The following MAML3 variants were observed in gnomAD, a reference collection of about 807,000 sequenced individuals.
MAML3 encodes mastermind-like protein 3.
MAML3 carries 27 observed loss-of-function variants against 101.9 expected under a neutral mutation model. The observed-to-expected ratio is 0.27, with a 90% CI of 0.20 to 0.37. The LOEUF is 0.37. Among genes scored for constraint, MAML3 ranks in the 10% least tolerant of loss-of-function variants. The pLI, the probability that MAML3 is intolerant of heterozygous loss-of-function variation, is 1.00. For synonymous variants in MAML3, 501 were observed against 555.9 expected, an observed-to-expected ratio of 0.90 and a Z score of 1.39; for missense variants, 1,316 against 1,444.9, an observed-to-expected ratio of 0.91 and a Z score of 1.45.
intron 2 of MAML3, among the ~76,000 whole-genome samples, chr4:139,827,667 C>T (rs1261932822): frequency 6.6e-6 from 1 of 152,178 alleles, no homozygotes; most frequent in Non-Finnish European, 1.5e-5. Context: ...TAATACTATA[C>T]TACTCATTAC....
chr4:140,090,120 T>C (rs1728018780), intron 1 of MAML3, among the ~76,000 whole-genome samples: 1 of 152,264 alleles, frequency 6.6e-6, no homozygotes, highest in Admixed American at 6.5e-5. Flanking sequence ...GGATTTACTG[T>C]CGCCATTTTA....
At chr4:139,849,053 G>A (rs1034960880) in intron 2 of MAML3, among the ~76,000 whole-genome samples, 1 of 151,950 alleles carries the variant, frequency 6.6e-6, no homozygotes, top group Non-Finnish European at 1.5e-5. Flanking sequence ...TCCTTTTCTG[G>A]CAATGTTCTT....
intron 1 of MAML3, among the ~76,000 whole-genome samples, chr4:139,924,411 C>A (rs904456652): frequency 6.6e-6 from 1 of 152,122 alleles, no homozygotes; most frequent in African/African-American, 2.4e-5. Context: ...TCTCTGAAAT[C>A]TTTACCTTTC....
intron 1 of MAML3, among the ~76,000 whole-genome samples, chr4:140,085,415 A>G (rs557183544): frequency 6.6e-6 from 1 of 152,144 alleles, no homozygotes; most frequent in South Asian, 2.1e-4. Flanking sequence ...GGAGGGAATT[A>G]CTCCATTCCC....
Position 140,140,312 on chromosome 4 carries a change from A to G in MAML3, c.468+12548T>C, listed in dbSNP as rs139971267. ...GCACTCCAGCCTGGGTGACAGGGTG[A>G]GATTCCGTCTCAAAAAATAAAAAAA... On this transcript the variant is annotated intron_variant, in intron 1 of 4. Coordinates refer to ENST00000509479, the MANE Select transcript of MAML3 (RefSeq NM_018717.5). 4.7e-3 allele frequency among the ~76,000 whole-genome samples: 715 copies of G among 152,274 alleles called. 7 individuals carry two copies. Among genetic ancestry groups the G allele is most frequent in the African/African-American group, 0.016 (677 of 41,526 alleles).
chr4:139,761,843 C>T (rs980754637), intron 2 of MAML3, among the ~76,000 whole-genome samples: 24 of 151,866 alleles, frequency 1.6e-4, no homozygotes, highest in Admixed American at 4.6e-4. Flanking sequence ...GAGTTTTCTC[C>T]GGGAGTAGAT....
chr4:139,750,429 G>A (rs1176511712), intron 2 of MAML3, among the ~76,000 whole-genome samples: 1 of 152,218 alleles, frequency 6.6e-6, no homozygotes, highest in African/African-American at 2.4e-5. Flanking sequence ...TGCACTAAAT[G>A]CAAACCAGGT....
At position 139,719,289 on chromosome 4, in the gene MAML3, C is replaced by G. The variant is rs761935961; in HGVS notation, c.*34G>C. 23 of 1,529,746 alleles carry G rather than the reference C, an allele frequency of 1.5e-5. 1 individual carries two copies. Among genetic ancestry groups the G allele is most frequent in the Middle Eastern group, 3.5e-4 (2 of 5,654 alleles). The allele number at this position is 1,529,746 out of a possible 1,614,324, so 94.8% of individuals were successfully genotyped here. On this transcript the variant is annotated 3_prime_UTR_variant, in exon 5 of 5. Transcript: ENST00000509479. The stretch of plus-strand genomic sequence containing the variant: ...TTCTTTTTCACTTTTTAAGCTTTAA[C>G]CACTCGAGTTGTGGATCTTGGGGCC...
At chr4:139,783,483 C>G (rs970584143) in intron 2 of MAML3, among the ~76,000 whole-genome samples, 4 of 152,236 alleles carry the variant, frequency 2.6e-5, no homozygotes, top group African/African-American at 9.6e-5. Flanking sequence ...GTAGTACCTG[C>G]TGGTGTGGGG....
At chr4:139,773,414 A>G (rs947126550) in intron 2 of MAML3, among the ~76,000 whole-genome samples, 2 of 152,234 alleles carry the variant, frequency 1.3e-5, no homozygotes, top group Non-Finnish European at 2.9e-5. Flanking sequence ...CTAAATGCCC[A>G]GGGAAATACA....
intron 1 of MAML3, among the ~76,000 whole-genome samples, chr4:139,912,905 C>T (rs1732958960): frequency 6.6e-6 from 1 of 152,152 alleles, no homozygotes; most frequent in East Asian, 1.9e-4. Context: ...ATTAAGCCAC[C>T]TAGTCTGTGG....
At chr4:140,142,065 T>C (rs1728987485) in intron 1 of MAML3, among the ~76,000 whole-genome samples, 1 of 152,174 alleles carries the variant, frequency 6.6e-6, no homozygotes, top group Non-Finnish European at 1.5e-5. Context: ...ATTCAATAAA[T>C]TATGAAATGG....
rs36226951 is a variant in MAML3, at chr4:140,092,062, T to TTATATATATATACGTATATATATACGTA, written c.468+60770_468+60797dup. ...ATAGATCATTTTTGAGATAAAAACT[T>TTATATATATATACGTATATATATACGTA]TATATATATATACGTATATATATAC... On this transcript the variant is annotated intron_variant, in intron 1 of 4. Coordinates refer to ENST00000509479, the MANE Select transcript of MAML3 (RefSeq NM_018717.5). 1.7e-3 allele frequency among the ~76,000 whole-genome samples: 230 copies of TTATATATATATACGTATATATATACGTA among 139,228 alleles called. 1 individual carries two copies. The highest frequency in any genetic ancestry group is 7.5e-3 in the Middle Eastern group (2 of 266). 91.3% of individuals were successfully genotyped at this position (139,228 alleles called of 152,430 possible).
chr4:140,022,422 C>G (rs538791954), intron 1 of MAML3, among the ~76,000 whole-genome samples: 1 of 152,236 alleles, frequency 6.6e-6, no homozygotes, highest in Non-Finnish European at 1.5e-5. Context: ...GAAAGTAAGA[C>G]TTCTCATTAT....
intron 1 of MAML3, among the ~76,000 whole-genome samples, chr4:139,929,977 C>T (rs979604467): frequency 2.0e-5 from 3 of 152,168 alleles, no homozygotes; most frequent in African/African-American, 7.2e-5. Flanking sequence ...TCACTGAGTA[C>T]TCCTGCATCC....
intron 2 of MAML3, among the ~76,000 whole-genome samples, chr4:139,855,427 G>T (rs1452035238): frequency 6.6e-6 from 1 of 152,170 alleles, no homozygotes; most frequent in East Asian, 1.9e-4. Flanking sequence ...TACAGTTAAG[G>T]TATTTTAGAA....
chr4:140,128,067 A>G (rs1728712060), intron 1 of MAML3: 1 of 152,326 alleles, frequency 6.6e-6, no homozygotes, highest in African/African-American at 2.4e-5. Flanking sequence ...GTGACAGAAC[A>G]GGCAGCTCCT....
At chr4:139,899,921 T>G (rs1303305239) in intron 1 of MAML3, among the ~76,000 whole-genome samples, 1 of 152,134 alleles carries the variant, frequency 6.6e-6, no homozygotes, top group African/African-American at 2.4e-5. Flanking sequence ...GGAGGGGGTG[T>G]CAGCCGTAAG....
chr4:140,117,301 CAAGT>C lies in MAML3; in HGVS notation c.468+35555_468+35558del, dbSNP rs59875779. Among the ~76,000 whole-genome samples, 842 of 152,264 alleles carry C rather than the reference CAAGT, an allele frequency of 5.5e-3. 7 individuals carry two copies. Among genetic ancestry groups the C allele is most frequent in the African/African-American group, 0.019 (788 of 41,544 alleles). Reference sequence around the variant, plus strand: ...TTCTTACACACTTACTATTCTCTTTCAAGTAAGACTTTTAAAAGCTGTTTCTAAA... The same window carrying C: ...TTCTTACACACTTACTATTCTCTTTCAAGACTTTTAAAAGCTGTTTCTAAA... On this transcript the variant is annotated intron_variant, in intron 1 of 4. Transcript: ENST00000509479.
Sources: allele counts gnomAD v4.1 joint callset (sites outside exome capture counted in the v4.1 genomes callset), GRCh38; gene constraint gnomAD v4.1.1; transcripts MANE v1.5; gene names NCBI Gene and HGNC (gene_info 2026-07-23, HGNC 2026-07-21).